The following IQSEC2 variants were observed in gnomAD, a reference collection of about 807,000 sequenced individuals.
The protein encoded by IQSEC2 is IQ motif and Sec7 domain ArfGEF 2, also known as IQ motif and SEC7 domain-containing protein 2.
IQSEC2 carries 6 observed loss-of-function variants against 74.6 expected under a neutral mutation model. That is an observed-to-expected ratio of 0.08 (90% CI 0.04 to 0.16). The LOEUF (loss-of-function observed/expected upper bound fraction) is 0.16, where lower values mean the gene tolerates loss of function less well. Among genes scored for constraint, IQSEC2 ranks in the 10% least tolerant of loss-of-function variants. The pLI is 1.00. For missense variants in IQSEC2, 734 were observed against 1,306.2 expected (o/e 0.56, Z 6.75); for synonymous variants, 494 against 544.5 (o/e 0.91, Z 1.29).
chrX:53,303,336 T>C (rs1767744081), intron 1 of IQSEC2, among the ~76,000 whole-genome samples: 2 of 109,921 alleles, frequency 1.8e-5, no homozygotes, highest in South Asian at 7.8e-4. Flanking sequence ...GGAAACAGAG[T>C]GACTTGAGGA....
At chrX:53,305,305 C>CT (rs1204713645) in intron 1 of IQSEC2, among the ~76,000 whole-genome samples, 1 of 111,192 alleles carries the variant, frequency 9.0e-6, no homozygotes, top group Non-Finnish European at 1.9e-5. Flanking sequence ...CCTTGAACTT[C>CT]TGGGCTCAAG....
intron 2 of IQSEC2, among the ~76,000 whole-genome samples, chrX:53,280,611 AC>A (rs1332656246): frequency 9.2e-6 from 1 of 109,093 alleles, no homozygotes; most frequent in Non-Finnish European, 1.9e-5. Context: ...CCAGTGCTTT[AC>A]CCCCCACCCC....
At chrX:53,310,625 C>A (rs2075312409) in intron 1 of IQSEC2, among the ~76,000 whole-genome samples, 1 of 110,263 alleles carries the variant, frequency 9.1e-6, no homozygotes, top group African/African-American at 3.3e-5. Context: ...AGCTGCCCAG[C>A]CCAAGGTAAT....
At chrX:53,236,578 C>T in intron 12 of IQSEC2, 83 bp from the exon 13 acceptor site, 1 of 1,017,545 alleles carries the variant, frequency 9.8e-7, no homozygotes, top group Non-Finnish European at 1.4e-6. Context: ...CCTCCATGGG[C>T]CATTCTCCTT....
chrX:53,321,342 A>C lies in IQSEC2; in HGVS notation c.-219T>G, dbSNP rs782646118. The C allele has an allele frequency of 9.3e-6, 2 of 216,195 alleles. No individual in the cohort carries two copies. The allele number at this position is 216,195 out of a possible 1,213,427, so 17.8% of individuals were successfully genotyped here. A position where few individuals can be genotyped will look rare whatever the true frequency, so the allele number is the denominator to read the frequency against. Reference sequence around the variant, plus strand: ...GGCTGCCGCCGCCACCACCACCACCACAGCCACTGCTCGGGAGGACGCGGC... The same window carrying C: ...GGCTGCCGCCGCCACCACCACCACCCCAGCCACTGCTCGGGAGGACGCGGC... On this transcript the variant is annotated 5_prime_UTR_variant, in exon 1 of 15. Transcript: ENST00000642864.
chrX:53,248,894 G>C lies in IQSEC2; in HGVS notation c.2298-12C>G. ...CCTTCTCTGGCTTCCTGCAGAAAGA[G>C]GAGAGGTAGATGAGATGACTGTCCT... On this transcript the variant is annotated splice_polypyrimidine_tract_variant and intron_variant, in intron 5 of 14. Coordinates refer to ENST00000642864, the MANE Select transcript of IQSEC2 (RefSeq NM_001111125.3). The C allele has an allele frequency of 8.3e-7, 1 of 1,204,672 alleles. No individual in the cohort carries two copies. Among genetic ancestry groups the C allele is most frequent in the Non-Finnish European group, 1.1e-6 (1 of 891,601 alleles).
chrX:53,320,596 C>T lies in IQSEC2; in HGVS notation c.528G>A (p.Gly176=). Residue 176 remains glycine (G), a synonymous_variant, in exon 1 of 15, where the codon GGG becomes GGA. Coordinates refer to ENST00000642864, the MANE Select transcript of IQSEC2 (RefSeq NM_001111125.3). ...CCTTCTCGCGGCCCGGGTGCGCCGG[C>T]CCGGCCTCCCGCCCGCCACGCTCGC... The part of the protein sequence containing the change: ...LGRERGGREA[G]PAHPGREKEA... The T allele has an allele frequency of 6.1e-6, 7 of 1,154,061 alleles. No homozygotes were observed. Among genetic ancestry groups the T allele is most frequent in the Non-Finnish European group, 6.9e-6 (6 of 867,939 alleles).
intron 2 of IQSEC2, among the ~76,000 whole-genome samples, chrX:53,260,146 C>T (rs142155060): frequency 2.6e-3 from 289 of 111,717 alleles, no homozygotes; most frequent in Middle Eastern, 0.014. Flanking sequence ...TAGCAGATTG[C>T]GAAAAGGTGC....
Position 53,234,185 on chromosome X carries a change from A to G in IQSEC2, c.*34T>C, listed in dbSNP as rs2146999474. The G allele has an allele frequency of 1.4e-6, 1 of 702,616 alleles. No homozygotes were observed. Among genetic ancestry groups the G allele is most frequent in the Non-Finnish European group, 2.0e-6 (1 of 501,546 alleles). 57.9% of individuals were successfully genotyped at this position (702,616 alleles called of 1,213,427 possible). A position where few individuals can be genotyped will look rare whatever the true frequency, so the allele number is the denominator to read the frequency against. ...AGGTCCCTCTCCTGTGGCTCCCCAGACTTTCCTGTTCCCCAGCTCACTCTC... is the reference window on the plus strand; with the variant it reads ...AGGTCCCTCTCCTGTGGCTCCCCAGGCTTTCCTGTTCCCCAGCTCACTCTC... On this transcript the variant is annotated 3_prime_UTR_variant, in exon 15 of 15. Coordinates refer to ENST00000642864, the MANE Select transcript of IQSEC2 (RefSeq NM_001111125.3).
downstream of IQSEC2, chrX:53,229,043 T>C: frequency 8.9e-6 from 1 of 112,482 alleles, no homozygotes; most frequent in Non-Finnish European, 1.9e-5. Context: ...CTAAATTATA[T>C]AGAAGGAATG....
chrX:53,239,105 A>G, intron 11 of IQSEC2, 90 bp downstream of exon 11: 1 of 700,165 alleles, frequency 1.4e-6, no homozygotes, highest in Non-Finnish European at 2.3e-6. Flanking sequence ...GTTGTAAGGG[A>G]CTCCGAAAAC....
chrX:53,274,784 T>C (rs1473076961), intron 2 of IQSEC2, among the ~76,000 whole-genome samples: 1 of 111,320 alleles, frequency 9.0e-6, no homozygotes, highest in African/African-American at 3.3e-5. Context: ...TTTCTTTAAC[T>C]ATTAGTAAGC....
chrX:53,296,397 A>T (rs782503027), intron 1 of IQSEC2, among the ~76,000 whole-genome samples: 3 of 111,209 alleles, frequency 2.7e-5, no homozygotes, highest in Non-Finnish European at 3.8e-5. Context: ...TCCTCCCAGG[A>T]GCGTCCTAAG....
At chrX:53,290,473 C>T (rs782116468) in intron 2 of IQSEC2, among the ~76,000 whole-genome samples, 5 of 111,919 alleles carry the variant, frequency 4.5e-5, no homozygotes, top group Non-Finnish European at 7.5e-5. Flanking sequence ...GCAGGAGCCC[C>T]GTGCTCGGGT....
chrX:53,311,052 G>A (rs1197977845), intron 1 of IQSEC2, among the ~76,000 whole-genome samples: 1 of 96,031 alleles, frequency 1.0e-5, no homozygotes, highest in Non-Finnish European at 2.1e-5. Context: ...CCCAGGAGGC[G>A]GAGGTTGCAG....
chrX:53,279,898 GGA>G, intron 2 of IQSEC2: 1 of 72,109 alleles, frequency 1.4e-5, no homozygotes, highest in Non-Finnish European at 2.5e-5. Context: ...TGGAGAGAGA[GGA>G]AGGAAGGAAG....
At chrX:53,290,116 G>T (rs2075081801) in intron 2 of IQSEC2, among the ~76,000 whole-genome samples, 2 of 111,191 alleles carry the variant, frequency 1.8e-5, no homozygotes, top group Admixed American at 1.9e-4. Flanking sequence ...TTGAATCCTG[G>T]CTCAGGATCC....
At position 53,320,665 on chromosome X, in the gene IQSEC2, G is replaced by A; in HGVS notation, c.459C>T (p.Asp153=). The change falls in exon 1 of 15, where the codon GAC becomes GAT. Residue 153 remains aspartate, a synonymous_variant. Transcript: ENST00000642864. The part of the protein sequence containing the change: ...DTTGYTARER[D]VAQCHLHHEN... Reference sequence around the variant, plus strand: ...CGTGGTGCAGGTGGCACTGGGCCACGTCACGCTCGCGGGCTGTGTAACCGG... The same window carrying A: ...CGTGGTGCAGGTGGCACTGGGCCACATCACGCTCGCGGGCTGTGTAACCGG... 8.6e-7 allele frequency: 1 copy of A among 1,165,276 alleles called. No individual in the cohort carries two copies. The highest frequency in any genetic ancestry group is 1.9e-5 in the South Asian group (1 of 52,656).
chrX:53,301,394 C>T (rs1199117510), intron 1 of IQSEC2, among the ~76,000 whole-genome samples: 1 of 111,904 alleles, frequency 8.9e-6, no homozygotes, highest in African/African-American at 3.3e-5. Context: ...ACAGAAGGCC[C>T]TACACTGGGG....
Sources: gnomAD v4.1 joint callset for allele counts (sites outside exome capture counted in the v4.1 genomes callset) on GRCh38, gnomAD v4.1.1 for gene constraint, MANE v1.5 for transcripts, NCBI Gene and HGNC (gene_info 2026-07-23, HGNC 2026-07-21) for gene names.